WDR47: variants seen among roughly 807,000 people sequenced by gnomAD.
WDR47 encodes WD repeat domain 47.
In WDR47, 32 loss-of-function variants were observed where a neutral mutation model predicts 97.2. That is an observed-to-expected ratio of 0.33 (90% CI 0.25 to 0.44). The LOEUF (loss-of-function observed/expected upper bound fraction) is 0.44. Among genes scored for constraint, WDR47 ranks in the 20% least tolerant of loss-of-function variants. The pLI, the probability that WDR47 is intolerant of heterozygous loss-of-function variation, is 1.00. For missense variants in WDR47, 782 were observed against 1,102.3 expected, an observed-to-expected ratio of 0.71 and a Z score of 4.11; for synonymous variants, 375 against 373.5, an observed-to-expected ratio of 1.00 and a Z score of -0.05.
intron 4 of WDR47, 39 bp downstream of exon 4, chr1:109,013,802 C>T (rs1227224868): frequency 3.1e-6 from 5 of 1,599,372 alleles, no homozygotes; most frequent in Admixed American, 1.8e-5. Flanking sequence ...TGACTGAAAA[C>T]AAGACTAGGG....
Position 108,971,541 on chromosome 1 carries a change from C to T in WDR47, c.2649G>A (p.Val883=). ...TCACTTTGTCCTTGTGCTCCCCCAC[C>T]ACCATGATAGGAAGCTGCTTGGTGA... ...GDLTKQLPIM[V]VGEHKDKVIQ... Residue 883 remains valine, a synonymous_variant, in exon 15 of 15, where the codon GTG becomes GTA. Transcript: ENST00000369962. 1 of 1,614,106 alleles carries T rather than the reference C, an allele frequency of 6.2e-7. No individual in the cohort carries two copies. The highest frequency in any genetic ancestry group is 1.6e-4 in the Middle Eastern group (1 of 6,062).
chr1:109,040,323 C>A (rs1172057830), intron 1 of WDR47, among the ~76,000 whole-genome samples: 1 of 151,986 alleles, frequency 6.6e-6, no homozygotes, highest in African/African-American at 2.4e-5. Flanking sequence ...TTTCATATGC[C>A]GCCCATTAAA....
Position 109,031,458 on chromosome 1 carries a change from A to G in WDR47, c.-9-7937T>C, listed in dbSNP as rs988464018. 9.3e-5 allele frequency among the ~76,000 whole-genome samples: 13 copies of G among 139,782 alleles called. 6 individuals carry two copies. The highest frequency in any genetic ancestry group is 2.1e-4 in the Non-Finnish European group (13 of 62,832). The allele number at this position is 139,782 out of a possible 152,430, so 91.7% of individuals were successfully genotyped here. A position where few individuals can be genotyped will look rare whatever the true frequency, so the allele number is the denominator to read the frequency against. ...GGTTGTATCCTAGAAGGAAAACTAG[A>G]TAAGAATAGAAATGGAATCTGTACA... is the stretch of plus-strand genomic sequence containing the variant. On this transcript the variant is annotated intron_variant, in intron 1 of 14. Coordinates refer to ENST00000369962, the MANE Select transcript of WDR47 (RefSeq NM_001142551.2).
intron 1 of WDR47, among the ~76,000 whole-genome samples, chr1:109,036,722 G>A (rs532979350): frequency 6.6e-6 from 1 of 151,416 alleles, no homozygotes; most frequent in East Asian, 2.0e-4. Context: ...TGTAGTCCCA[G>A]CTACTCAGGA....
At position 108,974,758 on chromosome 1, in the gene WDR47, T is replaced by C. The variant is rs1214895283; in HGVS notation, c.2399-4A>G. On this transcript the variant is annotated splice_region_variant and splice_polypyrimidine_tract_variant and intron_variant, in intron 13 of 14. Transcript: ENST00000369962. ...GCTACAGATGCCACTGCACTGCCTG[T>C]AGTGGTAGGAATGAAAGTTTAAATA... is the stretch of plus-strand genomic sequence containing the variant. The C allele has an allele frequency of 6.2e-7, 1 of 1,601,008 alleles. No homozygotes were observed. Among genetic ancestry groups the C allele is most frequent in the Admixed American group, 1.7e-5 (1 of 57,584 alleles).
Position 108,974,625 on chromosome 1 carries a change from C to T in WDR47, c.2528G>A (p.Ser843Asn), listed in dbSNP as rs773364430. ...RMVQSYHPHS[S>N]DVRSVRFSPG... is the part of the protein sequence containing the mutation. ...GGAGAATCGAACAGAGCGAACATCACTGGAATGAGGATGATAACTTTGTAC... is the reference window on the plus strand; with the variant it reads ...GGAGAATCGAACAGAGCGAACATCATTGGAATGAGGATGATAACTTTGTAC... The change falls in exon 14 of 15, where the codon AGT (serine) becomes AAT (asparagine). Residue 843 changes from serine (S) to asparagine (N), a missense_variant. Around this residue, in one of 3 missense-constraint regions of WDR47, gnomAD observed 228 missense variants for 396.7 expected, o/e 0.57. Coordinates refer to ENST00000369962, the MANE Select transcript of WDR47 (RefSeq NM_001142551.2). 1 of 1,614,148 alleles carries T rather than the reference C, an allele frequency of 6.2e-7. No individual in the cohort carries two copies. Among genetic ancestry groups the T allele is most frequent in the Non-Finnish European group, 8.5e-7 (1 of 1,180,022 alleles).
intron 9 of WDR47, chr1:108,986,947 G>T: frequency 3.5e-6 from 1 of 283,092 alleles, no homozygotes; most frequent in Non-Finnish European, 7.0e-6. Flanking sequence ...ATACTTCCAG[G>T]TATTATCATC....
At chr1:108,987,799 C>T (rs1055422178) in intron 9 of WDR47, among the ~76,000 whole-genome samples, 4 of 151,674 alleles carry the variant, frequency 2.6e-5, no homozygotes, top group Non-Finnish European at 4.4e-5. Flanking sequence ...CATATGATTA[C>T]ATGAAGTTTT....
chr1:108,989,893 G>A (rs1659186031), intron 9 of WDR47, among the ~76,000 whole-genome samples: 1 of 151,970 alleles, frequency 6.6e-6, no homozygotes, highest in South Asian at 2.1e-4. Context: ...ATTGGGTTTC[G>A]CCATGTTGGC....
intron 1 of WDR47, among the ~76,000 whole-genome samples, chr1:109,027,712 T>C (rs777593455): frequency 1.3e-5 from 2 of 151,886 alleles, no homozygotes. Context: ...TTAGTAGAGA[T>C]GGGGTTTCAC....
intron 1 of WDR47, among the ~76,000 whole-genome samples, chr1:109,039,300 C>A (rs1663181230): frequency 6.6e-6 from 1 of 151,916 alleles, no homozygotes; most frequent in African/African-American, 2.4e-5. Context: ...GTCGCCCAGG[C>A]TGGAGTGCAG....
chr1:109,012,397 C>A (rs1353412993), intron 4 of WDR47, among the ~76,000 whole-genome samples: 3 of 151,626 alleles, frequency 2.0e-5, no homozygotes, highest in Non-Finnish European at 2.9e-5. Flanking sequence ...CACAGTGAAA[C>A]CCCGTCTCTA....
At chr1:109,035,649 C>G (rs28709105) in intron 1 of WDR47, among the ~76,000 whole-genome samples, 16,297 of 151,682 alleles carry the variant, frequency 0.11, 988 homozygotes, top group African/African-American at 0.16. Context: ...AGGCGCCCAC[C>G]ACCACACCCA....
At chr1:109,036,723 C>T (rs1057338420) in intron 1 of WDR47, among the ~76,000 whole-genome samples, 6 of 151,528 alleles carry the variant, frequency 4.0e-5, no homozygotes, top group African/African-American at 1.5e-4. Flanking sequence ...GTAGTCCCAG[C>T]TACTCAGGAG....
chr1:109,034,664 T>C (rs1056210677), intron 1 of WDR47, among the ~76,000 whole-genome samples: 9 of 152,120 alleles, frequency 5.9e-5, no homozygotes, highest in Admixed American at 2.0e-4. Context: ...AACTGCAGTC[T>C]CCTTATGTGA....
At chr1:109,012,572 C>CAAAAAAAAAAAAAAAAAAAAAA (rs57237933) in intron 4 of WDR47, among the ~76,000 whole-genome samples, 12 of 73,828 alleles carry the variant, frequency 1.6e-4, no homozygotes, top group Admixed American at 3.6e-4. Flanking sequence ...GACTCCATCT[C>CAAAAAAAAAAAAAAAAAAAAAA]AAAAAAAAAA....
chr1:109,009,636 T>A (rs1041174838), intron 5 of WDR47, among the ~76,000 whole-genome samples: 8 of 152,166 alleles, frequency 5.3e-5, no homozygotes, highest in Non-Finnish European at 1.5e-5. Context: ...TGGAAAATAG[T>A]CATGGTCTTT....
rs1041355588 is a variant in WDR47, at chr1:108,971,678, T to A, written c.2618-106A>T. ...CATTACAGTATAAAAAATCTTAAAC[T>A]ACATTAATATAATACATTGAAAGGT... On this transcript the variant is annotated intron_variant, in intron 14 of 14. Coordinates refer to ENST00000369962, the MANE Select transcript of WDR47 (RefSeq NM_001142551.2). 5.0e-6 allele frequency: 6 copies of A among 1,202,942 alleles called. No homozygotes were observed. In the African/African-American group the frequency reaches 7.7e-5, roughly 15 times the overall value. 74.5% of individuals were successfully genotyped at this position (1,202,942 alleles called of 1,614,324 possible).
At chr1:109,040,388 A>G (rs558836801) in intron 1 of WDR47, among the ~76,000 whole-genome samples, 1 of 152,306 alleles carries the variant, frequency 6.6e-6, no homozygotes, top group African/African-American at 2.4e-5. Context: ...CCATTATGTA[A>G]GTAGTAACAT....
Sources: allele counts gnomAD v4.1 joint callset (sites outside exome capture counted in the v4.1 genomes callset), GRCh38; gene constraint gnomAD v4.1.1; regional missense constraint gnomAD v4.1.1; transcripts MANE v1.5; gene names NCBI Gene and HGNC (gene_info 2026-07-23, HGNC 2026-07-21).